GRIA2: variants seen among roughly 807,000 people sequenced by gnomAD.
GRIA2 encodes glutamate receptor 2.
In GRIA2, 14 loss-of-function variants were observed where a neutral mutation model predicts 97.3. The ratio of observed to expected loss-of-function variants is 0.14; its 90% confidence interval spans 0.10 to 0.23. The LOEUF is 0.23. Among genes scored for constraint, GRIA2 ranks in the 10% least tolerant of loss-of-function variants. GRIA2 has a pLI of 1.00. For missense variants in GRIA2, 558 were observed against 1,069.8 expected, an observed-to-expected ratio of 0.52 and a Z score of 6.67; for synonymous variants, 412 against 387.8, an observed-to-expected ratio of 1.06 and a Z score of -0.73.
chr4:157,308,249 T>C (rs1237784507), intron 3 of GRIA2, among the ~76,000 whole-genome samples: 3 of 152,218 alleles, frequency 2.0e-5, no homozygotes, highest in African/African-American at 4.8e-5. Context: ...TGACTAGTAG[T>C]AATACTTTGG....
chr4:157,224,404 A>T (rs920421314), intron 2 of GRIA2, among the ~76,000 whole-genome samples: 2 of 152,134 alleles, frequency 1.3e-5, no homozygotes, highest in Non-Finnish European at 2.9e-5. Flanking sequence ...TTGGATAGAA[A>T]TTTCTGGGGC....
chr4:157,352,331 T>C (rs1662107478), intron 12 of GRIA2, among the ~76,000 whole-genome samples: 1 of 152,214 alleles, frequency 6.6e-6, no homozygotes, highest in Non-Finnish European at 1.5e-5. Context: ...TTTTTGAATC[T>C]TGATTCTATA....
At chr4:157,305,481 T>G (rs1237880220) in intron 3 of GRIA2, among the ~76,000 whole-genome samples, 2 of 152,152 alleles carry the variant, frequency 1.3e-5, no homozygotes, top group Non-Finnish European at 2.9e-5. Context: ...AGCTTCTCAT[T>G]ATGATGAGGA....
At chr4:157,360,206 T>C in intron 13 of GRIA2, 63 bp downstream of exon 13, 1 of 1,509,290 alleles carries the variant, frequency 6.6e-7, no homozygotes, top group Middle Eastern at 2.1e-4. Flanking sequence ...CCCTGATGTA[T>C]CTTTAAGACT....
chr4:157,359,700 C>T (rs554683852), intron 12 of GRIA2, among the ~76,000 whole-genome samples, 196 bp from the exon 13 acceptor site: 13 of 151,832 alleles, frequency 8.6e-5, no homozygotes, highest in South Asian at 6.2e-4. Context: ...CAGGTCCTTG[C>T]GAATCTATTA....
In GRIA2 at chr4:157,364,756, A is replaced by T. The variant is rs1440664789; in HGVS notation, c.*1325A>T. On this transcript the variant is annotated 3_prime_UTR_variant, in exon 16 of 16. Coordinates refer to ENST00000264426, the MANE Select transcript of GRIA2 (RefSeq NM_001083619.3). ...TAAACTTTATATATTATGAATTTTA[A>T]AATATGTTTGAGTCTCCTGCAATAT... 6.6e-6 allele frequency: 1 copy of T among 152,100 alleles called. No homozygotes were observed. Among genetic ancestry groups the T allele is most frequent in the Non-Finnish European group, 1.5e-5 (1 of 67,796 alleles). The allele number at this position is 152,100 out of a possible 1,614,324, so 9.4% of individuals were successfully genotyped here.
At chr4:157,276,050 T>C (rs1732295109) in intron 2 of GRIA2, among the ~76,000 whole-genome samples, 1 of 152,110 alleles carries the variant, frequency 6.6e-6, no homozygotes, top group Non-Finnish European at 1.5e-5. Flanking sequence ...TGAGCAGTGG[T>C]TTGTAGTTCT....
intron 2 of GRIA2, among the ~76,000 whole-genome samples, chr4:157,282,116 T>C (rs1427199488): frequency 1.3e-5 from 2 of 152,152 alleles, no homozygotes; most frequent in Non-Finnish European, 1.5e-5. Flanking sequence ...TTTTGGCTTC[T>C]GTTAACTGTT....
intron 2 of GRIA2, among the ~76,000 whole-genome samples, chr4:157,275,343 C>A (rs187996544): frequency 1.3e-5 from 2 of 152,282 alleles, no homozygotes; most frequent in East Asian, 3.9e-4. Flanking sequence ...ATGGTGGTTT[C>A]TTTTGCTGTG....
At chr4:157,227,935 T>A (rs961825903) in intron 2 of GRIA2, among the ~76,000 whole-genome samples, 3 of 152,092 alleles carry the variant, frequency 2.0e-5, no homozygotes, top group Non-Finnish European at 4.4e-5. Flanking sequence ...ATTTTACTAG[T>A]TTGGAAAAAA....
intron 12 of GRIA2, chr4:157,342,051 C>T (rs1287585990): frequency 1.5e-5 from 12 of 818,714 alleles, no homozygotes; most frequent in African/African-American, 1.9e-5. Context: ...TTCTTATGCT[C>T]TGTTTATAGG....
intron 6 of GRIA2, 100 bp from the exon 7 acceptor site, chr4:157,332,719 A>T: frequency 1.4e-6 from 1 of 730,944 alleles, no homozygotes; most frequent in South Asian, 2.2e-5. Context: ...TGGACTTTTA[A>T]ATGGTATTGT....
At chr4:157,280,064 G>A (rs926257962) in intron 2 of GRIA2, among the ~76,000 whole-genome samples, 2 of 152,260 alleles carry the variant, frequency 1.3e-5, no homozygotes, top group Non-Finnish European at 2.9e-5. Flanking sequence ...GGCAGAGGTT[G>A]CCATAAGCCG....
rs1011492312 is a variant in GRIA2, at chr4:157,364,964, T to C, written c.*1533T>C. On this transcript the variant is annotated 3_prime_UTR_variant, in exon 16 of 16. Transcript: ENST00000264426. ...TTTAAAGGATCTATCTTTCCCTTCA[T>C]AAAATACCTCTTATTTCCATTAAAG... The C allele has an allele frequency of 8.6e-5, 13 of 151,690 alleles. No homozygotes were observed. The highest frequency in any genetic ancestry group is 8.6e-4 in the Admixed American group (13 of 15,186). The allele number at this position is 151,690 out of a possible 1,614,324, so 9.4% of individuals were successfully genotyped here. A position where few individuals can be genotyped will look rare whatever the true frequency, so the allele number is the denominator to read the frequency against.
intron 6 of GRIA2, among the ~76,000 whole-genome samples, chr4:157,322,682 T>C (rs942719224): frequency 3.9e-5 from 6 of 152,206 alleles, no homozygotes; most frequent in African/African-American, 1.4e-4. Flanking sequence ...GTTAAGATGA[T>C]GTTCACATTC....
Position 157,220,853 on chromosome 4 carries a change from A to G in GRIA2, c.-190A>G. 1.7e-6 allele frequency: 1 copy of G among 594,128 alleles called. No individual in the cohort carries two copies. Among genetic ancestry groups the G allele is most frequent in the Non-Finnish European group, 3.0e-6 (1 of 333,276 alleles). The allele number at this position is 594,128 out of a possible 1,614,324, so 36.8% of individuals were successfully genotyped here. A position where few individuals can be genotyped will look rare whatever the true frequency, so the allele number is the denominator to read the frequency against. On this transcript the variant is annotated 5_prime_UTR_variant, in exon 1 of 16. Transcript: ENST00000264426. ...CTGGAGCGGGGACAGGGCGCAGGGC[A>G]TCAGCAGCCACCAGCAGGACCTGGG...
intron 12 of GRIA2, among the ~76,000 whole-genome samples, chr4:157,347,874 C>A (rs1374961764): frequency 1.3e-5 from 2 of 152,024 alleles, no homozygotes; most frequent in Non-Finnish European, 2.9e-5. Flanking sequence ...GCCTGTAATC[C>A]CAACACTTTG....
At chr4:157,232,463 C>T (rs752184618) in intron 2 of GRIA2, among the ~76,000 whole-genome samples, 7 of 152,266 alleles carry the variant, frequency 4.6e-5, no homozygotes, top group Non-Finnish European at 8.8e-5. Context: ...TTAATCTGTG[C>T]ATGAAATGGG....
intron 12 of GRIA2, among the ~76,000 whole-genome samples, chr4:157,355,383 C>T (rs1338385562): frequency 6.6e-6 from 1 of 151,528 alleles, no homozygotes; most frequent in Non-Finnish European, 1.5e-5. Flanking sequence ...CAAAAATTAG[C>T]CAGGCGTGGT....
Sources: gnomAD v4.1 joint callset for allele counts (sites outside exome capture counted in the v4.1 genomes callset) on GRCh38, gnomAD v4.1.1 for gene constraint, MANE v1.5 for transcripts, NCBI Gene and HGNC (gene_info 2026-07-23, HGNC 2026-07-21) for gene names.